MMP26: variants seen among roughly 807,000 people sequenced by gnomAD.
The protein encoded by MMP26 is matrix metallopeptidase 26, also known as matrix metalloproteinase-26.
In MMP26, 33 loss-of-function variants were observed where a neutral mutation model predicts 31.0. The ratio of observed to expected loss-of-function variants is 1.06; its 90% confidence interval spans 0.81 to 1.42. MMP26 has a LOEUF of 1.42. MMP26 is among the 40% of genes most tolerant of loss of function. The pLI is 0.00. For synonymous variants in MMP26, 122 were observed against 114.9 expected (o/e 1.06, Z -0.40); for missense variants, 347 against 316.1 (o/e 1.10, Z -0.74).
intron 1 of MMP26, among the ~76,000 whole-genome samples, chr11:4,747,529 T>C (rs945093254): frequency 2.6e-5 from 4 of 152,310 alleles, no homozygotes; most frequent in African/African-American, 4.8e-5. Context: ...TGGGGGAATA[T>C]AGCAAGGTAG....
intron 2 of MMP26, chr11:4,822,203 C>T (rs771960979): frequency 1.3e-6 from 2 of 1,596,774 alleles, no homozygotes; most frequent in African/African-American, 2.7e-5. Flanking sequence ...ATCAGTTTGT[C>T]TCTTGTCCAT....
chr11:4,818,998 G>A (rs1338045221), intron 2 of MMP26, among the ~76,000 whole-genome samples: 2 of 152,138 alleles, frequency 1.3e-5, no homozygotes, highest in Non-Finnish European at 2.9e-5. Flanking sequence ...TGGAAGAGGT[G>A]TTGGTTAAAA....
chr11:4,782,120 G>A (rs1428139328), intron 2 of MMP26, among the ~76,000 whole-genome samples: 1 of 152,200 alleles, frequency 6.6e-6, no homozygotes, highest in Non-Finnish European at 1.5e-5. Context: ...CCAAAAATAT[G>A]GAAGTGACTT....
intron 2 of MMP26, among the ~76,000 whole-genome samples, chr11:4,899,356 G>C (rs751593285): frequency 1.2e-4 from 18 of 152,112 alleles, no homozygotes; most frequent in Non-Finnish European, 2.1e-4. Flanking sequence ...GTTTGTGAAC[G>C]AACTACAACA....
At chr11:4,962,431 CA>C (rs1846533007) in intron 2 of MMP26, among the ~76,000 whole-genome samples, 1 of 152,012 alleles carries the variant, frequency 6.6e-6, no homozygotes, top group Non-Finnish European at 1.5e-5. Context: ...ATATATAAAG[CA>C]AATATTTAAA....
intron 2 of MMP26, chr11:4,848,783 C>T (rs1329666653): frequency 1.2e-6 from 2 of 1,613,888 alleles, no homozygotes; most frequent in African/African-American, 2.7e-5. Context: ...TGGTGAGGAG[C>T]GCTGGGTAGT....
intron 2 of MMP26, chr11:4,848,686 G>T (rs751897505): frequency 6.2e-7 from 1 of 1,614,050 alleles, no homozygotes; most frequent in East Asian, 2.2e-5. Flanking sequence ...AGGCAGTAGG[G>T]CATGTAGGCC....
intron 2 of MMP26, among the ~76,000 whole-genome samples, chr11:4,935,735 T>C (rs1851430251): frequency 6.7e-6 from 1 of 150,140 alleles, no homozygotes; most frequent in South Asian, 2.1e-4. Context: ...GCTCTTATCA[T>C]TTTGAAATAC....
chr11:4,976,474 C>A (rs549873921), intron 2 of MMP26, among the ~76,000 whole-genome samples: 9 of 152,078 alleles, frequency 5.9e-5, no homozygotes, highest in African/African-American at 2.2e-4. Flanking sequence ...GCAATTAGAA[C>A]ATCAGGATTT....
intron 2 of MMP26, among the ~76,000 whole-genome samples, chr11:4,987,712 A>C (rs1846926369): frequency 6.6e-6 from 1 of 152,036 alleles, no homozygotes; most frequent in African/African-American, 2.4e-5. Flanking sequence ...CCATCGTGCC[A>C]GGCCAGGTCT....
intron 2 of MMP26, among the ~76,000 whole-genome samples, chr11:4,939,022 T>C (rs1478985459): frequency 6.6e-6 from 1 of 152,162 alleles, no homozygotes; most frequent in African/African-American, 2.4e-5. Flanking sequence ...ATTAGTTTTC[T>C]TCCTTGAATT....
intron 2 of MMP26, chr11:4,883,033 A>C: frequency 1.6e-6 from 1 of 626,924 alleles, no homozygotes; most frequent in Non-Finnish European, 2.8e-6. Flanking sequence ...CTTATCAAAG[A>C]GTTTTATTTT....
chr11:4,831,831 C>G (rs1018864813), intron 2 of MMP26, among the ~76,000 whole-genome samples: 2 of 152,186 alleles, frequency 1.3e-5, no homozygotes, highest in East Asian at 3.9e-4. Flanking sequence ...TCAAAAAAAG[C>G]GGGTATCAAA....
At chr11:4,925,117 G>C (rs1034112363) in intron 2 of MMP26, among the ~76,000 whole-genome samples, 1 of 152,162 alleles carries the variant, frequency 6.6e-6, no homozygotes, top group African/African-American at 2.4e-5. Context: ...TCTGACACCA[G>C]TTCTATCTTG....
intron 2 of MMP26, among the ~76,000 whole-genome samples, chr11:4,827,986 T>A (rs916620833): frequency 6.6e-6 from 1 of 152,142 alleles, no homozygotes; most frequent in African/African-American, 2.4e-5. Context: ...CAGGAACTAA[T>A]AGAAGGATGT....
chr11:4,834,027 T>C (rs1464409020), intron 2 of MMP26, among the ~76,000 whole-genome samples: 2 of 151,676 alleles, frequency 1.3e-5, no homozygotes, highest in Non-Finnish European at 2.9e-5. Flanking sequence ...CAGTTTGAAC[T>C]AAAAAAAATA....
chr11:4,819,366 A>AT (rs903114912), intron 2 of MMP26, among the ~76,000 whole-genome samples: 11 of 152,214 alleles, frequency 7.2e-5, no homozygotes, highest in African/African-American at 2.6e-4. Flanking sequence ...AATGCCAAAT[A>AT]TAAGGTTGGA....
intron 2 of MMP26, among the ~76,000 whole-genome samples, chr11:4,783,237 G>T (rs558679993): frequency 2.0e-5 from 3 of 152,244 alleles, no homozygotes; most frequent in Non-Finnish European, 4.4e-5. Flanking sequence ...CACAGGGGCA[G>T]ACATGCCCAA....
chr11:4,935,877 A>T (rs1307283759), intron 2 of MMP26, among the ~76,000 whole-genome samples: 1 of 149,332 alleles, frequency 6.7e-6, no homozygotes, highest in Non-Finnish European at 1.5e-5. Flanking sequence ...GCTGGATTAC[A>T]TTTATTGATT....
Sources: gnomAD v4.1 joint callset for allele counts (sites outside exome capture counted in the v4.1 genomes callset) on GRCh38, gnomAD v4.1.1 for gene constraint, MANE v1.5 for transcripts, NCBI Gene and HGNC (gene_info 2026-07-23, HGNC 2026-07-21) for gene names.